NAV2: variants seen among roughly 807,000 people sequenced by gnomAD.
The protein encoded by NAV2 is helicase, APC down-regulated 1.
In NAV2, 54 loss-of-function variants were observed where a neutral mutation model predicts 223.2. That is an observed-to-expected ratio of 0.24 (90% CI 0.19 to 0.30). The LOEUF (loss-of-function observed/expected upper bound fraction) is 0.30, where lower values mean the gene tolerates loss of function less well. Among genes scored for constraint, NAV2 ranks in the 10% least tolerant of loss-of-function variants. NAV2 has a pLI of 1.00. For synonymous variants in NAV2, 1,279 were observed against 1,239.3 expected (o/e 1.03, Z -0.67); for missense variants, 2,806 against 3,147.5 (o/e 0.89, Z 2.60).
chr11:19,884,417 A>G (rs2063408234), intron 5 of NAV2: 1 of 1,471,800 alleles, frequency 6.8e-7, no homozygotes, highest in South Asian at 1.1e-5. Flanking sequence ...CCACTGTTCC[A>G]TTGTTCCCTC....
chr11:20,032,169 T>C (rs996911783), intron 11 of NAV2, among the ~76,000 whole-genome samples: 2 of 152,204 alleles, frequency 1.3e-5, no homozygotes, highest in African/African-American at 2.4e-5. Context: ...CACAGACAGC[T>C]CTGGCAAATA....
At chr11:19,647,128 T>C (rs1480907993) in intron 1 of NAV2, among the ~76,000 whole-genome samples, 2 of 152,182 alleles carry the variant, frequency 1.3e-5, no homozygotes, top group East Asian at 1.9e-4. Context: ...ATTGTCCAGA[T>C]AGATTTCCCT....
intron 3 of NAV2, among the ~76,000 whole-genome samples, chr11:19,865,422 A>G (rs1478711215): frequency 6.6e-6 from 1 of 152,220 alleles, no homozygotes; most frequent in African/African-American, 2.4e-5. Flanking sequence ...TGGATCAAAG[A>G]AACAATCTCC....
At chr11:19,870,909 A>G (rs1420009199) in intron 4 of NAV2, among the ~76,000 whole-genome samples, 1 of 152,162 alleles carries the variant, frequency 6.6e-6, no homozygotes, top group Non-Finnish European at 1.5e-5. Flanking sequence ...TATAAAGGTA[A>G]AAGAAATGAG....
intron 1 of NAV2, among the ~76,000 whole-genome samples, chr11:19,414,692 A>G (rs1490226661): frequency 6.6e-6 from 1 of 152,108 alleles, no homozygotes; most frequent in African/African-American, 2.4e-5. Flanking sequence ...CACATAATTG[A>G]AAGTAAAACA....
At chr11:19,938,566 C>T (rs551109243) in intron 7 of NAV2, among the ~76,000 whole-genome samples, 9 of 152,322 alleles carry the variant, frequency 5.9e-5, no homozygotes, top group African/African-American at 2.2e-4. Context: ...AATTTTAAAA[C>T]TTTAAAATAT....
At chr11:19,956,453 G>A (rs2047890295) in intron 10 of NAV2, among the ~76,000 whole-genome samples, 1 of 151,462 alleles carries the variant, frequency 6.6e-6, no homozygotes, top group Non-Finnish European at 1.5e-5. Context: ...AGGTCCCAAG[G>A]TTACCCACAC....
chr11:19,896,633 G>A (rs1261368050), intron 6 of NAV2, among the ~76,000 whole-genome samples: 1 of 152,182 alleles, frequency 6.6e-6, no homozygotes, highest in African/African-American at 2.4e-5. Context: ...GCAATTCATA[G>A]GCTTTAATGT....
intron 1 of NAV2, among the ~76,000 whole-genome samples, chr11:19,799,962 T>C (rs973035159): frequency 1.3e-5 from 2 of 152,178 alleles, no homozygotes; most frequent in African/African-American, 2.4e-5. Flanking sequence ...GAGAAATTAT[T>C]TTAACTGTCC....
At chr11:19,944,705 T>TTTCCTTCC (rs369457220) in intron 8 of NAV2, among the ~76,000 whole-genome samples, 3,343 of 145,232 alleles carry the variant, frequency 0.023, 156 homozygotes, top group African/African-American at 0.087. Flanking sequence ...TTCTTCCTTC[T>TTTCCTTCC]TTCCTTCCTT....
chr11:19,872,373 A>G lies in NAV2; in HGVS notation c.511+3376A>G, dbSNP rs568764613. ...AAGGCCCAAAGAGATTAAGCTACACATTATAAAAAGGAGGCCCACAAGATC... is the reference window on the plus strand; with the variant it reads ...AAGGCCCAAAGAGATTAAGCTACACGTTATAAAAAGGAGGCCCACAAGATC... On this transcript the variant is annotated intron_variant, in intron 4 of 37. Transcript: ENST00000349880. Among the ~76,000 whole-genome samples, 40 of 152,334 alleles carry G rather than the reference A, an allele frequency of 2.6e-4. No individual in the cohort carries two copies. The South Asian group carries it at 6.2e-3, about 24-fold the overall frequency.
intron 1 of NAV2, among the ~76,000 whole-genome samples, chr11:19,372,742 A>G (rs1396225574): frequency 1.3e-5 from 2 of 152,222 alleles, no homozygotes; most frequent in Non-Finnish European, 2.9e-5. Context: ...AGTAATAAGT[A>G]AAGCTGAGAA....
At chr11:19,751,558 T>C (rs2053820212) in intron 1 of NAV2, among the ~76,000 whole-genome samples, 1 of 152,232 alleles carries the variant, frequency 6.6e-6, no homozygotes, top group Non-Finnish European at 1.5e-5. Flanking sequence ...GCCGTTATTG[T>C]TGTTCCTGCT....
chr11:19,889,137 T>G lies in NAV2; in HGVS notation c.771-3297T>G, dbSNP rs796834718. On this transcript the variant is annotated intron_variant, in intron 5 of 37. Transcript: ENST00000349880. ...AACCCCAGTACTTAAAAGTTCAGTC[T>G]GAATTAGTTCAGTTTGTGGATGGAC... is the stretch of plus-strand genomic sequence containing the variant. Among the ~76,000 whole-genome samples the G allele has an allele frequency of 2.4e-4, 36 of 152,324 alleles. 1 individual carries two copies. The highest frequency in any genetic ancestry group is 8.7e-4 in the African/African-American group (36 of 41,578).
At chr11:19,412,442 C>T (rs1364572357) in intron 1 of NAV2, among the ~76,000 whole-genome samples, 1 of 152,184 alleles carries the variant, frequency 6.6e-6, no homozygotes, top group East Asian at 1.9e-4. Context: ...ATAGATAAAA[C>T]TCCCATCTCC....
intron 22 of NAV2, among the ~76,000 whole-genome samples, chr11:20,069,681 G>A (rs1325007202): frequency 1.3e-5 from 2 of 152,154 alleles, no homozygotes; most frequent in African/African-American, 2.4e-5. Flanking sequence ...CACCCAGCCT[G>A]AGCCCGTTGA....
At chr11:20,054,761 T>C (rs1227275435) in intron 18 of NAV2, among the ~76,000 whole-genome samples, 1 of 152,208 alleles carries the variant, frequency 6.6e-6, no homozygotes, top group South Asian at 2.1e-4. Context: ...TCTGACATAA[T>C]GCTTTGACTG....
At chr11:19,577,600 T>C (rs1444444513) in intron 1 of NAV2, among the ~76,000 whole-genome samples, 2 of 152,256 alleles carry the variant, frequency 1.3e-5, no homozygotes, top group East Asian at 3.9e-4. Context: ...ACAAAATGTT[T>C]TCCATCACTG....
At chr11:19,643,205 T>A (rs1431462135) in intron 1 of NAV2, among the ~76,000 whole-genome samples, 3 of 152,192 alleles carry the variant, frequency 2.0e-5, no homozygotes, top group Non-Finnish European at 4.4e-5. Context: ...AGGGTACATG[T>A]GCACAACGTG....
Sources: allele counts gnomAD v4.1 joint callset (sites outside exome capture counted in the v4.1 genomes callset), GRCh38; gene constraint gnomAD v4.1.1; transcripts MANE v1.5; gene names NCBI Gene and HGNC (gene_info 2026-07-23, HGNC 2026-07-21).